The following SFMBT1 variants were observed in gnomAD, a reference collection of about 807,000 sequenced individuals.
The protein encoded by SFMBT1 is scm-like with four MBT domains protein 1.
In SFMBT1, 32 loss-of-function variants were observed where a neutral mutation model predicts 108.7. That is an observed-to-expected ratio of 0.29 (90% CI 0.22 to 0.40). The LOEUF (loss-of-function observed/expected upper bound fraction) is 0.40, where lower values mean the gene tolerates loss of function less well. Ranked by LOEUF, SFMBT1 falls within the 10% of genes least tolerant of loss-of-function variation. SFMBT1 has a pLI of 1.00. For missense variants in SFMBT1, 816 were observed against 1,059.6 expected (o/e 0.77, Z 3.19); for synonymous variants, 348 against 369.5 (o/e 0.94, Z 0.67).
In SFMBT1 at chr3:52,921,762, C is replaced by T. The variant is rs1010825512; in HGVS notation, c.1201G>A (p.Val401Met). 6.2e-7 allele frequency: 1 copy of T among 1,614,134 alleles called. No individual in the cohort carries two copies. The highest frequency in any genetic ancestry group is 1.3e-5 in the African/African-American group (1 of 75,054). Residue 401 changes from valine to methionine, a missense_variant, in exon 11 of 21, where the codon GTG becomes ATG. Transcript: ENST00000394752. ...EAVNPILPEEVCVATITAVRG... is the reference protein window; with the variant it reads ...EAVNPILPEEMCVATITAVRG... ...ACTGCAGTGATGGTAGCAACACACA[C>T]TTCTTCAGGGAGAATGGGGTTCACC...
chr3:52,998,879 T>TA (rs1698436755), intron 1 of SFMBT1, among the ~76,000 whole-genome samples: 1 of 150,466 alleles, frequency 6.6e-6, no homozygotes, highest in African/African-American at 2.4e-5. Flanking sequence ...GCTGCTCGCC[T>TA]AGCTGTTGAT....
intron 1 of SFMBT1, among the ~76,000 whole-genome samples, chr3:52,988,450 G>A (rs531278838): frequency 4.6e-5 from 7 of 152,196 alleles, no homozygotes; most frequent in African/African-American, 1.4e-4. Context: ...CCTCAAGAAC[G>A]CCTCCCAACT....
At chr3:53,040,882 G>A (rs553178161) in intron 1 of SFMBT1, among the ~76,000 whole-genome samples, 2 of 149,416 alleles carry the variant, frequency 1.3e-5, no homozygotes, top group African/African-American at 4.9e-5. Context: ...ACAGCCCACT[G>A]CAACGTCTGT....
rs1702059201 is a variant in SFMBT1 at position 52,906,139 on chromosome 3, G to A, written c.2434C>T (p.Pro812Ser). ...TGGTCTAGGAATATTCTTGCTAATG[G>A]AGCACAGTCAGTGGATCTGATGAAC... ...VRFIRSTDCA[P>S]LARIFLDQEI... Residue 812 changes from proline to serine, a missense_variant, in exon 20 of 21, where the codon CCA (proline) becomes TCA (serine). By Grantham distance (74) the Pro-to-Ser change is moderately conservative. This residue lies in a region of SFMBT1 where 49 missense variants were observed against 91.8 expected (regional missense o/e 0.53). Transcript: ENST00000394752. The A allele has an allele frequency of 6.2e-7, 1 of 1,613,926 alleles. No individual in the cohort carries two copies. Among genetic ancestry groups the A allele is most frequent in the Admixed American group, 1.7e-5 (1 of 59,998 alleles).
At chr3:53,035,470 A>C (rs1471607456) in intron 1 of SFMBT1, among the ~76,000 whole-genome samples, 9 of 152,240 alleles carry the variant, frequency 5.9e-5, no homozygotes. Flanking sequence ...GTAACATTTT[A>C]GTTTTATGGG....
intron 3 of SFMBT1, among the ~76,000 whole-genome samples, chr3:52,944,633 C>T (rs1391240031): frequency 3.3e-5 from 5 of 152,104 alleles, no homozygotes; most frequent in Non-Finnish European, 5.9e-5. Context: ...GATTTTCCTG[C>T]CTCAGCCTCC....
chr3:52,967,970 A>G (rs973744673), intron 2 of SFMBT1, among the ~76,000 whole-genome samples: 1 of 152,250 alleles, frequency 6.6e-6, no homozygotes, highest in Admixed American at 6.5e-5. Context: ...GTACCCCAGA[A>G]AAATAAAGTA....
intron 2 of SFMBT1, 135 bp from the exon 3 acceptor site, chr3:52,954,546 T>C (rs1703717448): frequency 1.5e-6 from 1 of 663,502 alleles, no homozygotes; most frequent in African/African-American, 1.8e-5. Flanking sequence ...TTAAGTGGGG[T>C]TTTGTTTTGT....
chr3:52,944,748 T>C (rs1703302147), intron 3 of SFMBT1, among the ~76,000 whole-genome samples: 1 of 152,080 alleles, frequency 6.6e-6, no homozygotes, highest in East Asian at 1.9e-4. Context: ...CTTGAACTAC[T>C]GACCTCAGGT....
chr3:52,930,978 TCTTTCA>T lies in SFMBT1; in HGVS notation c.752_757del (p.Val251_Lys252del). On this transcript the variant is annotated inframe_deletion, in exon 7 of 21. Coordinates refer to ENST00000394752, the MANE Select transcript of SFMBT1 (RefSeq NM_016329.4). ...AGATGGTAATGGCTCTTCCTCTTCC[TCTTTCA>T]CTTTGGCCAAAATCTCTTGCCACTC... 1.2e-6 allele frequency: 2 copies of T among 1,614,088 alleles called. No homozygotes were observed. The highest frequency in any genetic ancestry group is 1.7e-6 in the Non-Finnish European group (2 of 1,179,952).
chr3:52,981,527 TA>T (rs1704710870), intron 1 of SFMBT1, among the ~76,000 whole-genome samples: 1 of 111,766 alleles, frequency 8.9e-6, no homozygotes, highest in Non-Finnish European at 1.9e-5. Flanking sequence ...CATGCTCAGC[TA>T]ATTTTTTTTT....
chr3:53,019,055 T>C (rs1699214365), intron 1 of SFMBT1: 1 of 152,256 alleles, frequency 6.6e-6, no homozygotes, highest in Non-Finnish European at 1.5e-5. Flanking sequence ...TTTGGGAGGC[T>C]GAGGTGGAAG....
At chr3:52,943,223 C>T (rs1311603509) in intron 4 of SFMBT1, 130 bp downstream of exon 4, 12 of 1,075,698 alleles carry the variant, frequency 1.1e-5, no homozygotes, top group Non-Finnish European at 1.6e-5. Flanking sequence ...AATATTTTCA[C>T]TCAAAATGCT....
intron 4 of SFMBT1, among the ~76,000 whole-genome samples, chr3:52,939,254 C>T (rs1333038888): frequency 6.6e-6 from 1 of 152,110 alleles, no homozygotes; most frequent in Non-Finnish European, 1.5e-5. Flanking sequence ...TATTACAAGG[C>T]CTCTTTTATT....
chr3:53,023,217 T>C (rs1699373291), intron 1 of SFMBT1, among the ~76,000 whole-genome samples: 1 of 152,162 alleles, frequency 6.6e-6, no homozygotes, highest in Non-Finnish European at 1.5e-5. Flanking sequence ...AGAGATCTAA[T>C]CTGGGACATG....
chr3:52,965,121 C>T (rs910414032), intron 2 of SFMBT1, among the ~76,000 whole-genome samples: 5 of 151,862 alleles, frequency 3.3e-5, no homozygotes, highest in East Asian at 1.9e-4. Context: ...GAGCAAAATG[C>T]GACATTTTAG....
intron 1 of SFMBT1, among the ~76,000 whole-genome samples, chr3:53,011,433 C>A (rs1698939768): frequency 6.6e-6 from 1 of 152,112 alleles, no homozygotes; most frequent in Non-Finnish European, 1.5e-5. Flanking sequence ...TTCTATAGTA[C>A]ACAAACAGCA....
chr3:52,969,306 C>T, intron 1 of SFMBT1, 48 bp from the exon 2 acceptor site: 2 of 1,449,288 alleles, frequency 1.4e-6, no homozygotes, highest in Non-Finnish European at 1.8e-6. Flanking sequence ...CCCAAGTGTG[C>T]TCACTCACTC....
intron 16 of SFMBT1, among the ~76,000 whole-genome samples, chr3:52,911,407 T>C (rs1256634021): frequency 6.6e-6 from 1 of 152,214 alleles, no homozygotes; most frequent in Non-Finnish European, 1.5e-5. Context: ...ATTAGCAAAA[T>C]TAAGCTCCTG....
Sources: allele counts gnomAD v4.1 joint callset (sites outside exome capture counted in the v4.1 genomes callset), GRCh38; gene constraint gnomAD v4.1.1; regional missense constraint gnomAD v4.1.1; transcripts MANE v1.5; gene names NCBI Gene and HGNC (gene_info 2026-07-23, HGNC 2026-07-21).